The following LRRC4C variants were observed in gnomAD, a reference collection of about 807,000 sequenced individuals.
The protein encoded by LRRC4C is leucine-rich repeat-containing protein 4C.
A neutral mutation model predicts 33.6 loss-of-function variants in LRRC4C; 5 were observed. That is an observed-to-expected ratio of 0.15 (90% confidence interval 0.08 to 0.31). The LOEUF (loss-of-function observed/expected upper bound fraction) is 0.31, where lower values mean the gene tolerates loss of function less well. LRRC4C is among the 10% of genes least tolerant of loss of function. The probability of loss-of-function intolerance (pLI) is 1.00; values close to 1 mark genes in which losing one functional copy is unlikely to be tolerated. For synonymous variants in LRRC4C, 329 were observed against 302.0 expected, an observed-to-expected ratio of 1.09 and a Z score of -0.93; for missense variants, 560 against 796.7, an observed-to-expected ratio of 0.70 and a Z score of 3.58.
At chr11:41,057,355 C>G (rs1477611675) in intron 1 of LRRC4C, among the ~76,000 whole-genome samples, 2 of 152,224 alleles carry the variant, frequency 1.3e-5, no homozygotes, top group African/African-American at 4.8e-5. Context: ...GGAAGCTGAG[C>G]AGGGGCTGAG....
chr11:41,065,183 G>A (rs1364259979), intron 1 of LRRC4C, among the ~76,000 whole-genome samples: 1 of 151,654 alleles, frequency 6.6e-6, no homozygotes, highest in African/African-American at 2.4e-5. Context: ...CAGCGCAGCA[G>A]TCTGGAGTCC....
chr11:41,178,204 T>C (rs982179533), intron 1 of LRRC4C, among the ~76,000 whole-genome samples: 3 of 152,154 alleles, frequency 2.0e-5, no homozygotes, highest in African/African-American at 7.2e-5. Context: ...TATGAGTGAG[T>C]TAAACTGATT....
chr11:40,684,149 T>A (rs1413016600), intron 2 of LRRC4C, among the ~76,000 whole-genome samples: 2 of 151,960 alleles, frequency 1.3e-5, no homozygotes, highest in Admixed American at 6.6e-5. Flanking sequence ...AATAAAAATA[T>A]TTTAAAATTG....
At chr11:40,514,972 A>G (rs1329080132) in intron 3 of LRRC4C, among the ~76,000 whole-genome samples, 1 of 152,092 alleles carries the variant, frequency 6.6e-6, no homozygotes, top group Admixed American at 6.5e-5. Context: ...ACTAAACTAA[A>G]ACATCCACAC....
chr11:40,348,001 G>A (rs1318209548), intron 3 of LRRC4C, among the ~76,000 whole-genome samples: 1 of 152,172 alleles, frequency 6.6e-6, no homozygotes, highest in African/African-American at 2.4e-5. Flanking sequence ...CCCAGAAAAG[G>A]GAGAGATATG....
Position 40,114,803 on chromosome 11 carries a change from C to T in LRRC4C, c.1490G>A (p.Ser497Asn), listed in dbSNP as rs1855295188. 1.2e-6 allele frequency: 2 copies of T among 1,613,990 alleles called. No homozygotes were observed. Among genetic ancestry groups the T allele is most frequent in the African/African-American group, 1.3e-5 (1 of 74,904 alleles). ...GAAGGTTTTCTCTGTCGACCTTGTG[C>T]TCTGTGGTGTGAGAGAGGTGGTCAC... ...TNVTTSLTPQ[S>N]TRSTEKTFTI... Residue 497 changes from serine to asparagine, a missense_variant, in exon 7 of 7, where the codon AGC (serine) becomes AAC (asparagine). Ser to Asn is a conservative substitution (Grantham distance 46). Around this residue, in one of 3 missense-constraint regions of LRRC4C, gnomAD observed 455 missense variants for 643.8 expected, o/e 0.71. Transcript: ENST00000528697.
intron 5 of LRRC4C, among the ~76,000 whole-genome samples, chr11:40,218,692 AATCTATCTATCTATCTATCTATCT>A (rs3041085): frequency 5.7e-5 from 8 of 140,014 alleles, no homozygotes; most frequent in Non-Finnish European, 1.1e-4. Flanking sequence ...AATGATAAAG[AATCTATCTATCTATCTATCTATCT>A]ATCTATCTAT....
intron 1 of LRRC4C, among the ~76,000 whole-genome samples, chr11:41,043,238 A>G (rs1857557964): frequency 6.6e-6 from 1 of 151,992 alleles, no homozygotes; most frequent in South Asian, 2.1e-4. Flanking sequence ...CAGATCATAG[A>G]TAGGATGAGA....
chr11:41,406,697 A>G (rs1165318499), intron 1 of LRRC4C, among the ~76,000 whole-genome samples: 1 of 133,046 alleles, frequency 7.5e-6, no homozygotes, highest in East Asian at 2.3e-4. Context: ...CCTCTCCCCT[A>G]CACATTCACC....
chr11:40,484,071 C>G (rs1460353467), intron 3 of LRRC4C, among the ~76,000 whole-genome samples: 1 of 151,956 alleles, frequency 6.6e-6, no homozygotes, highest in Non-Finnish European at 1.5e-5. Flanking sequence ...ATATGCCCAG[C>G]TGGAAAGGCT....
chr11:40,264,139 T>G (rs1428248032), intron 4 of LRRC4C, among the ~76,000 whole-genome samples: 1 of 152,186 alleles, frequency 6.6e-6, no homozygotes, highest in African/African-American at 2.4e-5. Flanking sequence ...AAGTGCTCAC[T>G]AATTGTTACC....
intron 2 of LRRC4C, among the ~76,000 whole-genome samples, chr11:40,653,405 G>T (rs918647593): frequency 1.3e-5 from 2 of 152,170 alleles, no homozygotes; most frequent in African/African-American, 4.8e-5. Context: ...TGGGAACTGT[G>T]GTAAAGGTCA....
At chr11:40,702,054 T>C (rs1174218643) in intron 2 of LRRC4C, among the ~76,000 whole-genome samples, 2 of 152,050 alleles carry the variant, frequency 1.3e-5, no homozygotes, top group Non-Finnish European at 2.9e-5. Context: ...ATACATAAAA[T>C]TATTAAGTGA....
At chr11:40,468,670 G>A (rs1952774808) in intron 3 of LRRC4C, among the ~76,000 whole-genome samples, 1 of 152,062 alleles carries the variant, frequency 6.6e-6, no homozygotes, top group African/African-American at 2.4e-5. Context: ...ATGTGTACAT[G>A]TGTATTTGTA....
chr11:41,313,352 C>A (rs1435843039), intron 1 of LRRC4C, among the ~76,000 whole-genome samples: 1 of 152,226 alleles, frequency 6.6e-6, no homozygotes, highest in African/African-American at 2.4e-5. Flanking sequence ...AAGCTTCTGT[C>A]TGGCCAGATG....
intron 3 of LRRC4C, among the ~76,000 whole-genome samples, chr11:40,626,277 A>T (rs1352809043): frequency 6.6e-6 from 1 of 152,104 alleles, no homozygotes; most frequent in East Asian, 1.9e-4. Flanking sequence ...CCATCTTCTC[A>T]GGGACAATTT....
intron 1 of LRRC4C, among the ~76,000 whole-genome samples, chr11:40,973,417 C>T (rs1411798209): frequency 6.6e-6 from 1 of 152,052 alleles, no homozygotes; most frequent in Admixed American, 6.6e-5. Context: ...CAAAACAGTG[C>T]CTTGTCAAGA....
intron 1 of LRRC4C, among the ~76,000 whole-genome samples, chr11:41,327,958 A>G (rs1264970366): frequency 6.6e-6 from 1 of 152,160 alleles, no homozygotes; most frequent in Non-Finnish European, 1.5e-5. Context: ...TTTCTTCATA[A>G]CAGTATGAAA....
rs368920497 is a variant in LRRC4C, at chr11:40,883,878, G to A, written c.-407+49757C>T. Among the ~76,000 whole-genome samples, 14 of 144,466 alleles carry A rather than the reference G, an allele frequency of 9.7e-5. 1 individual carries two copies. In the East Asian group the frequency reaches 2.1e-3, roughly 22 times the overall value. The allele number at this position is 144,466 out of a possible 152,430, so 94.8% of individuals were successfully genotyped here. ...AAAATAATGAAACTGATATCTATGTGTGAACCATAAGCTAGTTTTTTTTTT... is the reference window on the plus strand; with the variant it reads ...AAAATAATGAAACTGATATCTATGTATGAACCATAAGCTAGTTTTTTTTTT... On this transcript the variant is annotated intron_variant, in intron 2 of 6. Transcript: ENST00000528697.
Sources: gnomAD v4.1 joint callset for allele counts (sites outside exome capture counted in the v4.1 genomes callset) on GRCh38, gnomAD v4.1.1 for gene constraint, gnomAD v4.1.1 regional missense constraint, MANE v1.5 for transcripts, NCBI Gene and HGNC (gene_info 2026-07-23, HGNC 2026-07-21) for gene names.